Variants in RGS6 observed in about 807,000 individuals in gnomAD.
RGS6 encodes the protein regulator of G protein signaling 6, also known as regulator of G-protein signaling 6.
A neutral mutation model predicts 78.5 loss-of-function variants in RGS6; 30 were observed. The ratio of observed to expected loss-of-function variants is 0.38; its 90% CI spans 0.29 to 0.52. The LOEUF (loss-of-function observed/expected upper bound fraction) is 0.52, where lower values mean the gene tolerates loss of function less well. Among genes scored for constraint, RGS6 ranks in the 20% least tolerant of loss-of-function variants. The pLI is 0.85. For missense variants in RGS6, 495 were observed against 609.7 expected (o/e 0.81, Z 1.98); for synonymous variants, 206 against 206.0 (o/e 1.00, Z 0.00).
At chr14:72,113,148 T>C (rs1024496942) in intron 2 of RGS6, among the ~76,000 whole-genome samples, 2 of 152,068 alleles carry the variant, frequency 1.3e-5, no homozygotes, top group South Asian at 4.1e-4. Flanking sequence ...ATAAAGTGAG[T>C]AGCTGGGGCA....
intron 2 of RGS6, among the ~76,000 whole-genome samples, chr14:71,979,541 C>G (rs1816162655): frequency 2.0e-5 from 3 of 152,068 alleles, no homozygotes; most frequent in Non-Finnish European, 4.4e-5. Flanking sequence ...CATTCAGGAG[C>G]AGGTTGTTCA....
At chr14:71,971,380 C>T (rs1462572332) in intron 2 of RGS6, among the ~76,000 whole-genome samples, 2 of 152,188 alleles carry the variant, frequency 1.3e-5, no homozygotes, top group African/African-American at 2.4e-5. Flanking sequence ...CTGGCCATAT[C>T]CGTCTACTGA....
At chr14:71,867,423 C>T in the RGS6 span, among the ~76,000 whole-genome samples, 1 of 132,218 alleles carries the variant, frequency 7.6e-6, no homozygotes, top group Admixed American at 7.2e-5. Context: ...TGCAGCCCCT[C>T]CTAGTCTCCC....
intron 2 of RGS6, among the ~76,000 whole-genome samples, chr14:72,261,546 G>T (rs1249090209): frequency 6.6e-6 from 1 of 152,172 alleles, no homozygotes; most frequent in African/African-American, 2.4e-5. Flanking sequence ...CTGTCCAGCT[G>T]CAGGGAATGG....
intron 2 of RGS6, among the ~76,000 whole-genome samples, chr14:72,067,445 G>C (rs764076811): frequency 1.3e-5 from 2 of 152,120 alleles, no homozygotes; most frequent in Admixed American, 1.3e-4. Flanking sequence ...AAACCTGCAC[G>C]TTCTGCACAT....
intron 2 of RGS6, among the ~76,000 whole-genome samples, chr14:72,106,812 G>A (rs186415552): frequency 6.6e-6 from 1 of 152,244 alleles, no homozygotes; most frequent in Admixed American, 6.5e-5. Context: ...GTGTACTCAT[G>A]GTGCAGTGTA....
the RGS6 span, among the ~76,000 whole-genome samples, chr14:72,591,983 G>A: frequency 2.0e-5 from 3 of 152,200 alleles, no homozygotes; most frequent in African/African-American, 7.2e-5. Context: ...AGTCAGTTCA[G>A]TTTGTCTCTA....
At chr14:72,023,410 T>C (rs1289842139) in intron 2 of RGS6, among the ~76,000 whole-genome samples, 1 of 152,186 alleles carries the variant, frequency 6.6e-6, no homozygotes, top group Non-Finnish European at 1.5e-5. Context: ...AAAATTTGAC[T>C]CTTTCCCTAA....
intron 2 of RGS6, among the ~76,000 whole-genome samples, chr14:72,135,546 T>C (rs1222724696): frequency 6.6e-6 from 1 of 152,198 alleles, no homozygotes; most frequent in African/African-American, 2.4e-5. Context: ...GTCCCTATTT[T>C]ATAAGTTGTT....
intron 17 of RGS6, chr14:72,540,489 CG>C (rs1169565996): frequency 2.5e-5 from 38 of 1,525,124 alleles, no homozygotes; most frequent in Non-Finnish European, 2.9e-5. Flanking sequence ...CATAGCTCAT[CG>C]AAAAAAAAAA....
chr14:72,054,322 C>G (rs547469601), intron 2 of RGS6, among the ~76,000 whole-genome samples: 135 of 152,198 alleles, frequency 8.9e-4, no homozygotes, highest in Non-Finnish European at 1.8e-3. Flanking sequence ...ATTAACTATA[C>G]CAGAGGCATC....
At chr14:72,435,114 G>A (rs1212447101) in intron 3 of RGS6, among the ~76,000 whole-genome samples, 2 of 152,138 alleles carry the variant, frequency 1.3e-5, no homozygotes, top group African/African-American at 4.8e-5. Flanking sequence ...GCTAACATAG[G>A]CATTCCAGAA....
At chr14:71,968,736 C>A (rs2093653892) in intron 2 of RGS6, among the ~76,000 whole-genome samples, 1 of 152,164 alleles carries the variant, frequency 6.6e-6, no homozygotes, top group Non-Finnish European at 1.5e-5. Flanking sequence ...AGCCATGGGG[C>A]ACATTAAATT....
At chr14:72,242,262 C>T (rs1278120274) in intron 2 of RGS6, among the ~76,000 whole-genome samples, 12 of 152,074 alleles carry the variant, frequency 7.9e-5, no homozygotes, top group African/African-American at 2.9e-4. Context: ...TGAAGGTGCT[C>T]TTGGGCTTTT....
intron 2 of RGS6, among the ~76,000 whole-genome samples, chr14:72,129,326 A>G (rs925268732): frequency 2.6e-5 from 4 of 152,256 alleles, no homozygotes; most frequent in African/African-American, 9.6e-5. Flanking sequence ...CTCAGTCCCT[A>G]GTTGGAGTAC....
chr14:72,308,247 T>A (rs568091414), intron 2 of RGS6, among the ~76,000 whole-genome samples: 2 of 152,330 alleles, frequency 1.3e-5, no homozygotes, highest in South Asian at 2.1e-4. Context: ...TTAACAAAAA[T>A]GCTTCTGTAG....
At chr14:72,272,901 T>A (rs1332303529) in intron 2 of RGS6, among the ~76,000 whole-genome samples, 1 of 152,156 alleles carries the variant, frequency 6.6e-6, no homozygotes, top group Non-Finnish European at 1.5e-5. Context: ...GATCACCTGA[T>A]GTCAGGAATT....
chr14:72,362,903 A>G (rs1292925541), intron 3 of RGS6, among the ~76,000 whole-genome samples: 1 of 152,228 alleles, frequency 6.6e-6, no homozygotes, highest in African/African-American at 2.4e-5. Flanking sequence ...CTTAAACATA[A>G]GTGGAAACCC....
intron 12 of RGS6, among the ~76,000 whole-genome samples, chr14:72,491,285 G>GAAA (rs34700041): frequency 6.7e-6 from 1 of 149,020 alleles, no homozygotes. Context: ...CCCAGAAGAT[G>GAAA]AAAAAAAAAA....
Sources: allele counts gnomAD v4.1 joint callset (sites outside exome capture counted in the v4.1 genomes callset), GRCh38; gene constraint gnomAD v4.1.1; transcripts MANE v1.5; gene names NCBI Gene and HGNC (gene_info 2026-07-23, HGNC 2026-07-21).